The following CNKSR2 variants were observed in gnomAD, a reference collection of about 807,000 sequenced individuals.
CNKSR2 encodes connector enhancer of kinase suppressor of Ras 2.
A neutral mutation model predicts 84.4 loss-of-function variants in CNKSR2; 14 were observed. The observed-to-expected ratio is 0.17, with a 90% CI of 0.11 to 0.26. The LOEUF is 0.26. Among genes scored for constraint, CNKSR2 ranks in the 10% least tolerant of loss-of-function variants. CNKSR2 has a pLI of 1.00. For missense variants in CNKSR2, 485 were observed against 771.2 expected, an observed-to-expected ratio of 0.63 and a Z score of 4.40; for synonymous variants, 275 against 277.9, an observed-to-expected ratio of 0.99 and a Z score of 0.10.
chrX:21,400,970 T>G (rs979217664), intron 1 of CNKSR2, among the ~76,000 whole-genome samples: 48 of 111,647 alleles, frequency 4.3e-4, no homozygotes, highest in African/African-American at 1.6e-3. Flanking sequence ...TACAAGTGTT[T>G]TGCAGTGCTA....
intron 11 of CNKSR2, among the ~76,000 whole-genome samples, chrX:21,550,713 C>A (rs1055992742): frequency 4.5e-5 from 5 of 111,829 alleles, no homozygotes; most frequent in African/African-American, 1.3e-4. Flanking sequence ...GTGGCACATA[C>A]ACATCATGGA....
intron 1 of CNKSR2, among the ~76,000 whole-genome samples, chrX:21,389,320 C>G (rs2146962010): frequency 9.3e-6 from 1 of 107,406 alleles, no homozygotes; most frequent in South Asian, 4.2e-4. Context: ...AGCAATATAA[C>G]AAGGTTGGTT....
intron 11 of CNKSR2, among the ~76,000 whole-genome samples, chrX:21,557,113 C>T (rs1300533471): frequency 3.6e-5 from 4 of 110,528 alleles, no homozygotes; most frequent in Non-Finnish European, 5.7e-5. Flanking sequence ...GTAGAGTGAG[C>T]AGTTAACTCT....
intron 4 of CNKSR2, among the ~76,000 whole-genome samples, chrX:21,443,915 T>C (rs1258172229): frequency 8.9e-6 from 1 of 111,796 alleles, no homozygotes; most frequent in Non-Finnish European, 1.9e-5. Flanking sequence ...GTTACCTTTA[T>C]ATTATTTTAA....
chrX:21,443,681 T>A (rs1003626052), intron 4 of CNKSR2, among the ~76,000 whole-genome samples: 1 of 111,841 alleles, frequency 8.9e-6, no homozygotes, highest in Non-Finnish European at 1.9e-5. Context: ...CAATTAGTGC[T>A]GTTGCTTTGG....
intron 1 of CNKSR2, chrX:21,425,973 C>A (rs2090559694): frequency 8.9e-6 from 1 of 112,142 alleles, no homozygotes; most frequent in Admixed American, 9.5e-5. Context: ...TTTAAGATGG[C>A]AGAGATTTGA....
intron 8 of CNKSR2, among the ~76,000 whole-genome samples, chrX:21,511,992 G>GT (rs1483054461): frequency 1.8e-5 from 2 of 111,620 alleles, no homozygotes. Context: ...GTTGCACTCT[G>GT]TATTCACCCT....
rs1416408074 is a variant in CNKSR2, at chrX:21,490,451, G to T, written c.562-8G>T. The T allele has an allele frequency of 8.4e-7, 1 of 1,192,567 alleles. No homozygotes were observed. The highest frequency in any genetic ancestry group is 1.8e-5 in the African/African-American group (1 of 57,105). On this transcript the variant is annotated splice_region_variant and splice_polypyrimidine_tract_variant and intron_variant, in intron 5 of 21. Transcript: ENST00000379510. ...TTACCACAACTATTTTTGTTTTTGTGCTTCCAGTGTAAAACTCTTTCTGGA... is the reference window on the plus strand; with the variant it reads ...TTACCACAACTATTTTTGTTTTTGTTCTTCCAGTGTAAAACTCTTTCTGGA...
At chrX:21,484,269 C>T (rs765984183) in intron 5 of CNKSR2, among the ~76,000 whole-genome samples, 65 of 111,009 alleles carry the variant, frequency 5.9e-4, no homozygotes, top group Non-Finnish European at 9.4e-4. Flanking sequence ...CCAGCCCTGG[C>T]GACAGAGTGA....
chrX:21,375,496 C>T (rs1425441785), intron 1 of CNKSR2, among the ~76,000 whole-genome samples: 1 of 112,226 alleles, frequency 8.9e-6, no homozygotes, highest in African/African-American at 3.2e-5. Context: ...CCTGGCATCC[C>T]CCCACACCCA....
intron 5 of CNKSR2, among the ~76,000 whole-genome samples, chrX:21,481,331 C>G (rs773907420): frequency 2.7e-5 from 3 of 111,777 alleles, no homozygotes; most frequent in Non-Finnish European, 5.6e-5. Context: ...CTTTTAATCA[C>G]TATACTATAG....
At chrX:21,465,793 T>C (rs1332752894) in intron 4 of CNKSR2, among the ~76,000 whole-genome samples, 1 of 111,588 alleles carries the variant, frequency 9.0e-6, no homozygotes, top group Non-Finnish European at 1.9e-5. Flanking sequence ...TTCTGAGCAT[T>C]GTGACCCACC....
At chrX:21,506,863 A>G (rs2091617655) in intron 8 of CNKSR2, 1 of 110,964 alleles carries the variant, frequency 9.0e-6, no homozygotes, top group Non-Finnish European at 1.9e-5. Context: ...TAGTTTCCTT[A>G]TAAGTTTATT....
At chrX:21,437,769 A>G (rs1017916946) in intron 3 of CNKSR2, among the ~76,000 whole-genome samples, 2 of 110,680 alleles carry the variant, frequency 1.8e-5, no homozygotes, top group South Asian at 3.8e-4. Flanking sequence ...TATATTCTAT[A>G]AATTAACCTA....
chrX:21,540,689 C>A (rs190007216), intron 11 of CNKSR2, among the ~76,000 whole-genome samples: 5 of 111,641 alleles, frequency 4.5e-5, no homozygotes, highest in African/African-American at 1.6e-4. Context: ...AAACCCTTAC[C>A]TTGAAGTATG....
chrX:21,400,495 G>A (rs1308685988), intron 1 of CNKSR2, among the ~76,000 whole-genome samples: 2 of 110,878 alleles, frequency 1.8e-5, no homozygotes, highest in Non-Finnish European at 3.8e-5. Flanking sequence ...TTGGCACATG[G>A]GCACAATAAA....
intron 1 of CNKSR2, among the ~76,000 whole-genome samples, chrX:21,403,981 G>A (rs967603080): frequency 1.8e-5 from 2 of 112,029 alleles, no homozygotes; most frequent in African/African-American, 6.5e-5. Flanking sequence ...AGTTCCACAT[G>A]GGATCTTTCA....
intron 20 of CNKSR2, among the ~76,000 whole-genome samples, chrX:21,638,346 G>A (rs376622416): frequency 2.3e-4 from 26 of 111,204 alleles, no homozygotes; most frequent in South Asian, 3.8e-4. Context: ...TTATTTGGGC[G>A]GTCAAGTTTT....
chrX:21,480,877 C>G (rs759340349), intron 5 of CNKSR2, among the ~76,000 whole-genome samples: 1 of 112,042 alleles, frequency 8.9e-6, no homozygotes, highest in South Asian at 3.7e-4. Context: ...GTTGGGCTCA[C>G]TAGGCATTAA....
Sources: gnomAD v4.1 joint callset for allele counts (sites outside exome capture counted in the v4.1 genomes callset) on GRCh38, gnomAD v4.1.1 for gene constraint, MANE v1.5 for transcripts, NCBI Gene and HGNC (gene_info 2026-07-23, HGNC 2026-07-21) for gene names.